Variants in NPHP4 observed in about 807,000 individuals in gnomAD.
NPHP4 encodes nephrocystin 4, also known as nephrocystin-4.
Under a neutral mutation model 155.8 loss-of-function variants are expected in NPHP4, and 151 were observed. That is an observed-to-expected ratio of 0.97 (90% CI 0.85 to 1.11). The LOEUF is 1.11. Ranked by LOEUF, NPHP4 falls within the 50% of genes least tolerant of loss-of-function variation. The pLI, the probability that NPHP4 is intolerant of heterozygous loss-of-function variation, is 0.00. For missense variants in NPHP4, 1,956 were observed against 1,925.7 expected (o/e 1.02, Z -0.29); for synonymous variants, 845 against 816.8 (o/e 1.03, Z -0.59).
chr1:5,982,023 TA>T (rs1043680376), intron 2 of NPHP4, among the ~76,000 whole-genome samples: 1 of 152,238 alleles, frequency 6.6e-6, no homozygotes, highest in Non-Finnish European at 1.5e-5. Flanking sequence ...TAGTATCTGA[TA>T]AAATTCAACA....
chr1:5,867,264 C>A lies in NPHP4; in HGVS notation c.3473-149G>T, dbSNP rs910022017. On this transcript the variant is annotated intron_variant, in intron 24 of 29. Transcript: ENST00000378156. This position sits in a 1 kb window ranked among gnomAD's most constrained non-coding sequence, Gnocchi z 4.1. ...TGGGGAAACGGACGCCGCCACCTTT[C>A]CCAGGACAGCATCCAAGCACTGTGT... 4.5e-5 allele frequency: 28 copies of A among 627,218 alleles called. No homozygotes were observed. The highest frequency in any genetic ancestry group is 6.8e-5 in the Non-Finnish European group (24 of 352,272). 38.9% of individuals were successfully genotyped at this position (627,218 alleles called of 1,614,324 possible).
chr1:5,922,902 G>A (rs933150661), intron 11 of NPHP4, among the ~76,000 whole-genome samples: 3 of 152,230 alleles, frequency 2.0e-5, no homozygotes, highest in African/African-American at 7.2e-5. Flanking sequence ...GGAGGCTGAG[G>A]CGGGTGGATT....
Position 5,961,733 on chromosome 1 carries a change from T to C in NPHP4, c.673+61A>G, listed in dbSNP as rs1650361033. On this transcript the variant is annotated intron_variant, in intron 6 of 29. Transcript: ENST00000378156. ...CCAGAAGAGCCCAGTGCCTTCAAGG[T>C]TTCACTGTGAACTAGGACAGACTCA... 4 of 1,530,820 alleles carry C rather than the reference T, an allele frequency of 2.6e-6. No homozygotes were observed. The Admixed American group carries it at 5.6e-5, about 21-fold the overall frequency. The allele number at this position is 1,530,820 out of a possible 1,614,324, so 94.8% of individuals were successfully genotyped here. A position where few individuals can be genotyped will look rare whatever the true frequency, so the allele number is the denominator to read the frequency against.
chr1:5,938,466 T>A (rs1057039286), intron 9 of NPHP4, among the ~76,000 whole-genome samples: 3 of 152,138 alleles, frequency 2.0e-5, no homozygotes, highest in African/African-American at 7.2e-5. Context: ...CAGAAGCTAC[T>A]CAGTCCTCAA....
intron 19 of NPHP4, chr1:5,879,577 T>C (rs1350299884): frequency 1.5e-5 from 8 of 518,918 alleles, no homozygotes; most frequent in Admixed American, 7.8e-5. Flanking sequence ...CAGACACAAA[T>C]GCCACTGGCA....
intron 19 of NPHP4, among the ~76,000 whole-genome samples, chr1:5,879,125 G>A (rs991095954): frequency 1.2e-4 from 18 of 152,140 alleles, no homozygotes; most frequent in African/African-American, 3.4e-4. Context: ...TGGGATCCTG[G>A]AAGCCTTGCA....
intron 1 of NPHP4, among the ~76,000 whole-genome samples, chr1:5,990,523 T>C (rs549263943): frequency 2.0e-5 from 3 of 151,948 alleles, no homozygotes; most frequent in Non-Finnish European, 2.9e-5. Context: ...TCACATTCTA[T>C]GGTTACTATT....
At chr1:5,974,212 AC>A (rs1653106034) in intron 3 of NPHP4, among the ~76,000 whole-genome samples, 1 of 152,136 alleles carries the variant, frequency 6.6e-6, no homozygotes, top group Admixed American at 6.5e-5. Context: ...AAGAGACACA[AC>A]CCAATCACCT....
intron 9 of NPHP4, among the ~76,000 whole-genome samples, chr1:5,945,283 G>C (rs116010082): frequency 6.7e-6 from 1 of 149,538 alleles, no homozygotes; most frequent in Admixed American, 6.7e-5. Context: ...TTTCTCCTCC[G>C]CTCACTCCCC....
intron 12 of NPHP4, among the ~76,000 whole-genome samples, chr1:5,908,556 A>G (rs1242775651): frequency 3.3e-5 from 5 of 152,210 alleles, no homozygotes; most frequent in Non-Finnish European, 5.9e-5. Flanking sequence ...TCGGGACTCC[A>G]GAACGGCAGC....
At chr1:5,927,256 G>A (rs7548619) in intron 11 of NPHP4, among the ~76,000 whole-genome samples, 26,000 of 152,130 alleles carry the variant, frequency 0.17, 2,297 homozygotes, top group African/African-American at 0.21. Flanking sequence ...CCTAACTTTC[G>A]GGCAGGGCTT....
intron 10 of NPHP4, 60 bp downstream of exon 10, chr1:5,933,087 A>G: frequency 2.2e-6 from 3 of 1,345,610 alleles, no homozygotes; most frequent in Non-Finnish European, 3.0e-6. Flanking sequence ...TTTGCTTTTG[A>G]AAATGAATGA....
chr1:5,897,934 A>T (rs1052377648), intron 16 of NPHP4, among the ~76,000 whole-genome samples: 5 of 152,244 alleles, frequency 3.3e-5, no homozygotes, highest in African/African-American at 1.2e-4. Context: ...ATGTTCCAAA[A>T]CATGGCACGG....
intron 6 of NPHP4, 22 bp downstream of exon 6, chr1:5,961,772 A>G: frequency 6.2e-7 from 1 of 1,602,054 alleles, no homozygotes; most frequent in South Asian, 1.1e-5. Flanking sequence ...CACCAAGTGG[A>G]GAGAATCAAA....
chr1:5,968,254 G>A (rs972972023), intron 4 of NPHP4, among the ~76,000 whole-genome samples: 3 of 152,020 alleles, frequency 2.0e-5, no homozygotes, highest in Non-Finnish European at 4.4e-5. Flanking sequence ...CATCACTGGT[G>A]GTCAAAGCCA....
chr1:5,960,696 GTC>G (rs2102122782), intron 6 of NPHP4, among the ~76,000 whole-genome samples: 1 of 152,152 alleles, frequency 6.6e-6, no homozygotes, highest in East Asian at 1.9e-4. Context: ...CCACACAAAA[GTC>G]TCCAGAAGTG....
rs768347263 is a variant in NPHP4, at chr1:5,877,112, C to G, written c.2798G>C (p.Arg933Pro). 4 of 1,581,570 alleles carry G rather than the reference C, an allele frequency of 2.5e-6. No homozygotes were observed. Among genetic ancestry groups the G allele is most frequent in the East Asian group, 2.3e-5 (1 of 43,922 alleles). ...CCTTACCAACACGCTCGTCCCGCGC[C>G]GGCCCAAGTCTCCCCCGGCCTCCTG... Reference protein sequence around the residue: ...RLQEAGGDLGRRGTSVLAQQS... With the variant: ...RLQEAGGDLGPRGTSVLAQQS... The change falls in exon 20 of 30, where the codon CGG (arginine) becomes CCG (proline). Residue 933 changes from arginine to proline, a missense_variant. Transcript: ENST00000378156.
At chr1:5,927,578 C>T in intron 11 of NPHP4, 71 bp downstream of exon 11, 1 of 1,491,612 alleles carries the variant, frequency 6.7e-7, no homozygotes, top group South Asian at 1.3e-5. Context: ...AGACTAAGTA[C>T]CTTTCCCCGG....
intron 16 of NPHP4, among the ~76,000 whole-genome samples, chr1:5,901,096 G>A (rs1644658197): frequency 6.6e-6 from 1 of 151,998 alleles, no homozygotes; most frequent in Admixed American, 6.6e-5. Context: ...GTTAGTAATA[G>A]GGGAAACTGT....
Sources: gnomAD v4.1 joint callset for allele counts (sites outside exome capture counted in the v4.1 genomes callset) on GRCh38, gnomAD v4.1.1 for gene constraint, Gnocchi (gnomAD v3.1) non-coding constraint, MANE v1.5 for transcripts, NCBI Gene and HGNC (gene_info 2026-07-23, HGNC 2026-07-21) for gene names.